TNRC6A: variants seen among roughly 807,000 people sequenced by gnomAD.
TNRC6A encodes the protein trinucleotide repeat-containing gene 6A protein.
TNRC6A carries 44 observed loss-of-function variants against 221.2 expected under a neutral mutation model. That is an observed-to-expected ratio of 0.20 (90% CI 0.16 to 0.26). The LOEUF is 0.26. TNRC6A is among the 10% of genes least tolerant of loss of function. TNRC6A has a pLI of 1.00. For missense variants in TNRC6A, 2,199 were observed against 2,404.4 expected, an observed-to-expected ratio of 0.91 and a Z score of 1.79; for synonymous variants, 847 against 838.5, an observed-to-expected ratio of 1.01 and a Z score of -0.18.
intron 4 of TNRC6A, 115 bp downstream of exon 4, chr16:24,758,475 A>T: frequency 9.0e-7 from 1 of 1,105,524 alleles, no homozygotes; most frequent in Non-Finnish European, 1.3e-6. Flanking sequence ...AGCGGTTGGG[A>T]TTAGCCTTCT....
chr16:24,797,931 A>G lies in TNRC6A; in HGVS notation c.3659A>G (p.Glu1220Gly), dbSNP rs1427746854. ...TTTCTTCAGAGAGACTCACCAGAGG[A>G]AAATGTACAAAGCAATAAGATGGAC... ...NISFSRDSPEENVQSNKMDLS... is the reference protein window; with the variant it reads ...NISFSRDSPEGNVQSNKMDLS... Residue 1220 changes from glutamate (E) to glycine (G), a missense_variant, in exon 11 of 25, where the codon GAA (glutamate) becomes GGA (glycine). Physicochemically the swap from Glu to Gly is moderately conservative, Grantham distance 98. This residue lies in a region of TNRC6A where 158 missense variants were observed against 159.1 expected (regional missense o/e 0.99). Transcript: ENST00000395799. The G allele has an allele frequency of 1.2e-6, 2 of 1,610,260 alleles. No homozygotes were observed. Among genetic ancestry groups the G allele is most frequent in the Non-Finnish European group, 1.7e-6 (2 of 1,178,090 alleles).
At chr16:24,696,491 G>T (rs2055864367) in intron 2 of TNRC6A, among the ~76,000 whole-genome samples, 2 of 151,832 alleles carry the variant, frequency 1.3e-5, no homozygotes, top group Non-Finnish European at 2.9e-5. Context: ...AGTACACTGG[G>T]AGGCTAAGGT....
At chr16:24,792,613 C>CTTTT (rs34670934) in intron 6 of TNRC6A, among the ~76,000 whole-genome samples, 1,273 of 56,586 alleles carry the variant, frequency 0.022, 17 homozygotes, top group African/African-American at 0.025. Flanking sequence ...ACATTTATGG[C>CTTTT]TTTTTTTTTT....
chr16:24,772,400 A>G (rs1410578215), intron 4 of TNRC6A, among the ~76,000 whole-genome samples: 1 of 151,950 alleles, frequency 6.6e-6, no homozygotes, highest in Non-Finnish European at 1.5e-5. Context: ...TTGTTGTTGC[A>G]AGACTTCGGG....
At chr16:24,818,792 C>T in intron 21 of TNRC6A, 92 bp downstream of exon 21, 1 of 956,648 alleles carries the variant, frequency 1.0e-6, no homozygotes, top group East Asian at 2.5e-5. Flanking sequence ...CCAGTCTTCT[C>T]AGGGAATTAG....
At chr16:24,756,754 A>C (rs1193391401) in intron 3 of TNRC6A, among the ~76,000 whole-genome samples, 2 of 152,058 alleles carry the variant, frequency 1.3e-5, no homozygotes, top group Non-Finnish European at 2.9e-5. Context: ...CTGCCTCCCA[A>C]AGTGCTGGGA....
At chr16:24,666,634 T>G (rs1596630734) in intron 2 of TNRC6A, among the ~76,000 whole-genome samples, 1 of 82,658 alleles carries the variant, frequency 1.2e-5, no homozygotes, top group East Asian at 3.7e-4. Context: ...AGACCCTGTC[T>G]TAGAGAAAAA....
chr16:24,623,255 G>A lies in TNRC6A; in HGVS notation n.276+12771G>A, dbSNP rs183968580. On this transcript the variant is annotated intron_variant and non_coding_transcript_variant, in intron 1 of 2. Coordinates refer to the TNRC6A transcript ENST00000566108. ...CTTCTGTCGCCCAGGCTGGAGTGCCGTGGTGCGATCTCGGCTCACTGCAAG... is the reference window on the plus strand; with the variant it reads ...CTTCTGTCGCCCAGGCTGGAGTGCCATGGTGCGATCTCGGCTCACTGCAAG... Among the ~76,000 whole-genome samples the A allele has an allele frequency of 1.3e-5, 2 of 151,212 alleles. 1 individual carries two copies. Among genetic ancestry groups the A allele is most frequent in the Non-Finnish European group, 2.9e-5 (2 of 67,870 alleles).
At chr16:24,634,324 G>A (rs959998719) in intron 1 of TNRC6A, among the ~76,000 whole-genome samples, 46 of 152,170 alleles carry the variant, frequency 3.0e-4, no homozygotes, top group African/African-American at 1.1e-3. Flanking sequence ...CAGCTACTTG[G>A]GAGGCTGAGG....
chr16:24,808,833 T>C (rs1403470547), intron 17 of TNRC6A, among the ~76,000 whole-genome samples: 1 of 152,224 alleles, frequency 6.6e-6, no homozygotes, highest in African/African-American at 2.4e-5. Flanking sequence ...TAGATTACTC[T>C]TTTAAGAAAA....
At chr16:24,620,909 C>G (rs914062956) in intron 1 of TNRC6A, among the ~76,000 whole-genome samples, 1 of 151,634 alleles carries the variant, frequency 6.6e-6, no homozygotes, top group Admixed American at 6.6e-5. Flanking sequence ...CATGGTGAAA[C>G]CCCGTCTCTA....
At chr16:24,809,973 C>T (rs567972424) in intron 18 of TNRC6A, among the ~76,000 whole-genome samples, 6 of 152,166 alleles carry the variant, frequency 3.9e-5, no homozygotes, top group East Asian at 3.9e-4. Flanking sequence ...CCACCATGCC[C>T]GGCTAATTTT....
At position 24,745,799 on chromosome 16, in the gene TNRC6A, C is replaced by G. The variant is rs983720501; in HGVS notation, c.54-4927C>G. The stretch of plus-strand genomic sequence containing the variant: ...TGAGACTACAGGTATGTACCATCCC[C>G]CCCCCCCCCAGCTAATTGTTAGGAT... On this transcript the variant is annotated intron_variant, in intron 2 of 24. Transcript: ENST00000395799. 5.2e-3 allele frequency among the ~76,000 whole-genome samples: 724 copies of G among 140,276 alleles called. 43 individuals carry two copies. In the East Asian group the frequency reaches 0.13, roughly 25 times the overall value. 92.0% of individuals were successfully genotyped at this position (140,276 alleles called of 152,430 possible).
At chr16:24,818,815 G>T in intron 21 of TNRC6A, 115 bp downstream of exon 21, 1 of 788,624 alleles carries the variant, frequency 1.3e-6, no homozygotes, top group Admixed American at 2.1e-5. Context: ...GATTCTGTTT[G>T]TGAGCCTGGG....
chr16:24,804,597 C>T, intron 12 of TNRC6A, 108 bp from the exon 13 acceptor site: 1 of 1,456,712 alleles, frequency 6.9e-7, no homozygotes, highest in African/African-American at 1.4e-5. Flanking sequence ...TACCTGTTTC[C>T]TGTTGATGCT....
At chr16:24,658,480 A>G (rs945502421) in intron 2 of TNRC6A, among the ~76,000 whole-genome samples, 3 of 151,568 alleles carry the variant, frequency 2.0e-5, no homozygotes, top group African/African-American at 7.3e-5. Flanking sequence ...TCCTGCCTCT[A>G]CCTCCCAAGT....
At chr16:24,611,805 G>T (rs545920643) in intron 1 of TNRC6A, among the ~76,000 whole-genome samples, 29 of 152,010 alleles carry the variant, frequency 1.9e-4, no homozygotes, top group Non-Finnish European at 2.8e-4. Context: ...GTGAAATTAT[G>T]GCAGTGGCTG....
chr16:24,815,195 A>T lies in TNRC6A; in HGVS notation c.4721A>T (p.Tyr1574Phe). 6.2e-7 allele frequency: 1 copy of T among 1,614,186 alleles called. No individual in the cohort carries two copies. The highest frequency in any genetic ancestry group is 8.5e-7 in the Non-Finnish European group (1 of 1,180,032). The change falls in exon 19 of 25, where the codon TAT (tyrosine) becomes TTT (phenylalanine). Residue 1574 changes from tyrosine to phenylalanine, a missense_variant. Tyr to Phe is a conservative substitution (Grantham distance 22). Transcript: ENST00000395799. ...FRLEESPFVP[Y>F]DFMNSSTSPA... ...CTGGAAGAGTCTCCATTTGTTCCCT[A>T]TGACTTTATGAACAGCAGTACTTCA...
rs1555490664 is a variant in TNRC6A at position 24,696,728 on chromosome 16, C to CAAAGAAGAAA, written n.403-53995_403-53994insGAAGAAAAAA. 3.3e-3 allele frequency among the ~76,000 whole-genome samples: 151 copies of CAAAGAAGAAA among 45,156 alleles called. 1 individual carries two copies. Among genetic ancestry groups the CAAAGAAGAAA allele is most frequent in the African/African-American group, 0.015 (134 of 9,022 alleles). 29.6% of individuals were successfully genotyped at this position (45,156 alleles called of 152,430 possible). A position where few individuals can be genotyped will look rare whatever the true frequency, so the allele number is the denominator to read the frequency against. On this transcript the variant is annotated intron_variant and non_coding_transcript_variant, in intron 2 of 2. Transcript: ENST00000566108. ...TGGGCAACAGAGCGAGACCCTGTCT[C>CAAAGAAGAAA]AAAAAAAAAAAAAAAAAGAAAGGAA...
Sources: allele counts gnomAD v4.1 joint callset (sites outside exome capture counted in the v4.1 genomes callset), GRCh38; gene constraint gnomAD v4.1.1; regional missense constraint gnomAD v4.1.1; transcripts MANE v1.5; gene names NCBI Gene and HGNC (gene_info 2026-07-23, HGNC 2026-07-21).